GDAP1L1: variants seen among roughly 807,000 people sequenced by gnomAD.
GDAP1L1 encodes the protein ganglioside-induced differentiation-associated protein 1-like 1.
In GDAP1L1, 21 loss-of-function variants were observed where a neutral mutation model predicts 37.1. The observed-to-expected ratio is 0.57, with a 90% CI of 0.40 to 0.81. The LOEUF (loss-of-function observed/expected upper bound fraction) is 0.81, where lower values mean the gene tolerates loss of function less well. Ranked by LOEUF, GDAP1L1 falls within the 40% of genes least tolerant of loss-of-function variation. The probability of loss-of-function intolerance (pLI) is 0.00; values close to 1 mark genes in which losing one functional copy is unlikely to be tolerated. For missense variants in GDAP1L1, 362 were observed against 491.6 expected (o/e 0.74, Z 2.49); for synonymous variants, 193 against 209.1 (o/e 0.92, Z 0.67).
intron 5 of GDAP1L1, among the ~76,000 whole-genome samples, chr20:44,277,135 G>A (rs368659477): frequency 1.2e-4 from 18 of 152,102 alleles, no homozygotes; most frequent in East Asian, 9.7e-4. Context: ...AGCAATTCTC[G>A]TGCCTCAGCC....
intron 1 of GDAP1L1, among the ~76,000 whole-genome samples, chr20:44,255,275 C>T (rs998939582): frequency 4.6e-5 from 7 of 152,146 alleles, no homozygotes; most frequent in African/African-American, 1.7e-4. Flanking sequence ...GGCATGGTGG[C>T]TCACACCTAT....
At chr20:44,257,604 A>AC (rs1184237927) in intron 2 of GDAP1L1, among the ~76,000 whole-genome samples, 1 of 151,324 alleles carries the variant, frequency 6.6e-6, no homozygotes. Context: ...TGACCCAGAC[A>AC]CCCCCCCACC....
At position 44,280,737 on chromosome 20, in the gene GDAP1L1, G is replaced by A. The variant is rs577085341; in HGVS notation, c.*1437G>A. 12 of 152,144 alleles carry A rather than the reference G, an allele frequency of 7.9e-5. No homozygotes were observed. The East Asian group carries it at 2.3e-3, about 29-fold the overall frequency. 9.4% of individuals were successfully genotyped at this position (152,144 alleles called of 1,614,324 possible). A position where few individuals can be genotyped will look rare whatever the true frequency, so the allele number is the denominator to read the frequency against. On this transcript the variant is annotated 3_prime_UTR_variant, in exon 6 of 6. Coordinates refer to ENST00000342560, the MANE Select transcript of GDAP1L1 (RefSeq NM_024034.6). ...CAGGCCAGGAGTTCAAGACAAGCCT[G>A]GGCAATATAGCGAGACCCCATCTCT...
chr20:44,271,215 CT>C (rs1478423653), intron 5 of GDAP1L1, among the ~76,000 whole-genome samples: 2 of 152,104 alleles, frequency 1.3e-5, no homozygotes, highest in Non-Finnish European at 2.9e-5. Flanking sequence ...AGTGAGTCGT[CT>C]TCTGGGAGAC....
At chr20:44,260,738 T>G (rs2073657677) in intron 3 of GDAP1L1, among the ~76,000 whole-genome samples, 1 of 152,034 alleles carries the variant, frequency 6.6e-6, no homozygotes, top group Non-Finnish European at 1.5e-5. Flanking sequence ...GTATTGTTTT[T>G]GGGGAATGGA....
intron 5 of GDAP1L1, chr20:44,265,078 C>T (rs1215616637): frequency 7.1e-6 from 7 of 985,250 alleles, no homozygotes; most frequent in South Asian, 4.7e-5. Flanking sequence ...CCCCCATCAC[C>T]TCCCTTACAC....
At position 44,257,350 on chromosome 20, in the gene GDAP1L1, G is replaced by A. The variant is rs553357384; in HGVS notation, c.373+5G>A. ...TGGAGCGCACCTTCACAGGAGGTAC[G>A]GCTGCCTCCCCACCCAGGGGCCCAC... On this transcript the variant is annotated splice_donor_5th_base_variant and intron_variant, in intron 2 of 5. Coordinates refer to ENST00000342560, the MANE Select transcript of GDAP1L1 (RefSeq NM_024034.6). 14 of 1,610,820 alleles carry A rather than the reference G, an allele frequency of 8.7e-6. No homozygotes were observed. Among genetic ancestry groups the A allele is most frequent in the Middle Eastern group, 1.7e-4 (1 of 6,046 alleles).
intron 1 of GDAP1L1, among the ~76,000 whole-genome samples, chr20:44,249,712 T>A (rs972403637): frequency 6.6e-6 from 1 of 152,214 alleles, no homozygotes; most frequent in Admixed American, 6.5e-5. Context: ...TGACCAAGTC[T>A]CTGGCCAAGC....
At chr20:44,249,276 G>A (rs2073394251) in intron 1 of GDAP1L1, among the ~76,000 whole-genome samples, 4 of 152,140 alleles carry the variant, frequency 2.6e-5, no homozygotes, top group Admixed American at 2.6e-4. Flanking sequence ...GATCTCAAGT[G>A]ATCCACTCAC....
intron 1 of GDAP1L1, among the ~76,000 whole-genome samples, chr20:44,256,398 G>C (rs536970185): frequency 6.6e-6 from 1 of 152,152 alleles, no homozygotes; most frequent in Non-Finnish European, 1.5e-5. Context: ...GACCAGGCAC[G>C]GTGGCTAACA....
intron 5 of GDAP1L1, among the ~76,000 whole-genome samples, chr20:44,267,652 G>A (rs2062469115): frequency 6.6e-6 from 1 of 151,678 alleles, no homozygotes; most frequent in African/African-American, 2.4e-5. Flanking sequence ...GATAACATGA[G>A]TGCCTACGTC....
In GDAP1L1 at chr20:44,264,499, C is replaced by A. The variant is rs1280345488; in HGVS notation, c.700C>A (p.Leu234Met). 1 of 1,561,224 alleles carries A rather than the reference C, an allele frequency of 6.4e-7. No individual in the cohort carries two copies. The part of the protein sequence containing the change: ...VSYLKKILGE[L>M]AMVLDQIEAE... ...CTACCTGAAGAAGATCCTCGGGGAA[C>A]TGGCCATGGTGCTGGACCAGATTGA... Residue 234 changes from leucine to methionine, a missense_variant, in exon 5 of 6, where the codon CTG (leucine) becomes ATG (methionine). Physicochemically the swap from Leu to Met is conservative, Grantham distance 15. This residue lies in a region of GDAP1L1 where 277 missense variants were observed against 337.1 expected (regional missense o/e 0.82). Coordinates refer to ENST00000342560, the MANE Select transcript of GDAP1L1 (RefSeq NM_024034.6).
At chr20:44,274,488 C>T (rs2062552273) in intron 5 of GDAP1L1, among the ~76,000 whole-genome samples, 1 of 152,170 alleles carries the variant, frequency 6.6e-6, no homozygotes. Flanking sequence ...TCCAGCTGCT[C>T]TTGCCAGGGT....
chr20:44,270,164 ATTTTTT>A (rs397756226), intron 5 of GDAP1L1, among the ~76,000 whole-genome samples: 3 of 100,592 alleles, frequency 3.0e-5, no homozygotes, highest in South Asian at 3.6e-4. Flanking sequence ...AGTGTCTTAA[ATTTTTT>A]TTTTTTTTTT....
intron 1 of GDAP1L1, among the ~76,000 whole-genome samples, chr20:44,249,724 A>G (rs1344567613): frequency 6.6e-6 from 1 of 152,216 alleles, no homozygotes; most frequent in African/African-American, 2.4e-5. Context: ...TGGCCAAGCT[A>G]ACCTGGGCAT....
chr20:44,279,415 G>A lies in GDAP1L1; in HGVS notation c.*115G>A, dbSNP rs1471680315. 1.3e-5 allele frequency: 10 copies of A among 743,780 alleles called. No individual in the cohort carries two copies. The highest frequency in any genetic ancestry group is 7.5e-5 in the East Asian group (3 of 39,840). 46.1% of individuals were successfully genotyped at this position (743,780 alleles called of 1,614,324 possible). ...ACTTGGACAGCCCTCCCCGCCCTTC[G>A]TTCTGAGTAATAATACCGTCAGTGT... On this transcript the variant is annotated 3_prime_UTR_variant, in exon 6 of 6. Transcript: ENST00000342560.
intron 5 of GDAP1L1, among the ~76,000 whole-genome samples, chr20:44,270,611 G>A (rs1243719846): frequency 6.6e-6 from 1 of 152,224 alleles, no homozygotes; most frequent in Non-Finnish European, 1.5e-5. Flanking sequence ...GCAATGATTT[G>A]AAGGCTTGAC....
In GDAP1L1 at chr20:44,253,490, A is replaced by G. The variant is rs538420843; in HGVS notation, c.181-3663A>G. 1.9e-3 allele frequency among the ~76,000 whole-genome samples: 294 copies of G among 152,386 alleles called. 1 individual carries two copies. Among genetic ancestry groups the G allele is most frequent in the Non-Finnish European group, 3.0e-3 (205 of 68,034 alleles). On this transcript the variant is annotated intron_variant, in intron 1 of 5. Transcript: ENST00000342560. ...TCACACCGCAACTAAATGACTAGGC[A>G]GAGACAACAACCCAGCCCATCACAT...
At chr20:44,256,231 C>T (rs868710075) in intron 1 of GDAP1L1, among the ~76,000 whole-genome samples, 4 of 152,190 alleles carry the variant, frequency 2.6e-5, no homozygotes, top group African/African-American at 9.6e-5. Flanking sequence ...CTACCCTCCT[C>T]TAGGGGCTGT....
Sources: gnomAD v4.1 joint callset for allele counts (sites outside exome capture counted in the v4.1 genomes callset) on GRCh38, gnomAD v4.1.1 for gene constraint, gnomAD v4.1.1 regional missense constraint, MANE v1.5 for transcripts, NCBI Gene and HGNC (gene_info 2026-07-23, HGNC 2026-07-21) for gene names.